Variants in AKR1C3 observed in about 807,000 individuals in gnomAD.
AKR1C3 encodes aldo-keto reductase family 1 member C3, also known as 3-alpha hydroxysteroid dehydrogenase, type II.
AKR1C3 carries 48 observed loss-of-function variants against 43.6 expected under a neutral mutation model. The observed-to-expected ratio is 1.10, with a 90% CI of 0.87 to 1.40. AKR1C3 has a LOEUF of 1.40. AKR1C3 is among the 40% of genes most tolerant of loss of function. AKR1C3 has a pLI of 0.00. For synonymous variants in AKR1C3, 162 were observed against 139.6 expected (o/e 1.16, Z -1.13); for missense variants, 482 against 391.2 (o/e 1.23, Z -1.96).
chr10:5,054,270 T>C (rs1337109187), intron 1 of AKR1C3, among the ~76,000 whole-genome samples: 1 of 152,218 alleles, frequency 6.6e-6, no homozygotes, highest in African/African-American at 2.4e-5. Context: ...GCAAACTGTC[T>C]GAGAAATCCT....
At position 5,107,589 on chromosome 10, in the gene AKR1C3, A is replaced by G. The variant is rs1839541019; in HGVS notation, c.*86A>G. The G allele has an allele frequency of 1.9e-6, 2 of 1,076,314 alleles. No individual in the cohort carries two copies. The highest frequency in any genetic ancestry group is 1.6e-5 in the African/African-American group (1 of 63,026). The allele number at this position is 1,076,314 out of a possible 1,614,324, so 66.7% of individuals were successfully genotyped here. A position where few individuals can be genotyped will look rare whatever the true frequency, so the allele number is the denominator to read the frequency against. On this transcript the variant is annotated 3_prime_UTR_variant, in exon 9 of 9. Transcript: ENST00000380554. ...CGTCTCTATGCCGGTGACTGGACAT[A>G]TCACCTCTACTTAAATCCGTCCTGT... is the stretch of plus-strand genomic sequence containing the variant.
At chr10:5,068,684 C>T (rs111678824) in intron 1 of AKR1C3, among the ~76,000 whole-genome samples, 4 of 152,124 alleles carry the variant, frequency 2.6e-5, no homozygotes, top group African/African-American at 9.7e-5. Context: ...AGGGGCATGG[C>T]CAACTCCCCA....
In AKR1C3 at chr10:5,105,685, T is replaced by C; in HGVS notation, c.929+8T>C. 1 of 1,605,176 alleles carries C rather than the reference T, an allele frequency of 6.2e-7. No homozygotes were observed. On this transcript the variant is annotated splice_region_variant and intron_variant, in intron 8 of 8. Coordinates refer to ENST00000380554, the MANE Select transcript of AKR1C3 (RefSeq NM_003739.6). Reference sequence around the variant, plus strand: ...CTATTTTAACAGTGATAGGTAAGTTTCCTTTGTAAATGGGTGATCTAATTT... The same window carrying C: ...CTATTTTAACAGTGATAGGTAAGTTCCCTTTGTAAATGGGTGATCTAATTT...
At chr10:5,089,681 A>C (rs530316134), upstream of AKR1C3, among the ~76,000 whole-genome samples, 167 of 151,158 alleles carry the variant, frequency 1.1e-3, no homozygotes, top group African/African-American at 3.9e-3. Flanking sequence ...CCTTCTCTGG[A>C]TCTTATTGAG....
In AKR1C3 at chr10:5,094,433, A is replaced by G; in HGVS notation, c.-12A>G. On this transcript the variant is annotated 5_prime_UTR_variant, in exon 1 of 9. Transcript: ENST00000380554. ...AGCAGCAAACATTTGCTAGTCAGAC[A>G]AGTGACAGGGAATGGATTCCAAACA... The G allele has an allele frequency of 6.2e-7, 1 of 1,608,992 alleles. No homozygotes were observed. The highest frequency in any genetic ancestry group is 8.5e-7 in the Non-Finnish European group (1 of 1,175,584).
At chr10:5,105,379 A>AGAG in intron 7 of AKR1C3, 1 of 376,764 alleles carries the variant, frequency 2.7e-6, no homozygotes, top group Non-Finnish European at 4.8e-6. Flanking sequence ...CTTTGTCTGC[A>AGAG]GAGTTGCACA....
chr10:5,106,998 G>A (rs1332668284), intron 8 of AKR1C3, among the ~76,000 whole-genome samples: 2 of 151,960 alleles, frequency 1.3e-5, no homozygotes, highest in Non-Finnish European at 2.9e-5. Flanking sequence ...GTAATAAGTT[G>A]GTGTTTATCT....
chr10:5,092,529 T>C (rs868956502), upstream of AKR1C3, among the ~76,000 whole-genome samples: 2 of 151,156 alleles, frequency 1.3e-5, no homozygotes, highest in Non-Finnish European at 2.9e-5. Context: ...AAATATCTTA[T>C]CCCTAAACAT....
intron 1 of AKR1C3, among the ~76,000 whole-genome samples, chr10:5,074,445 G>C (rs1838669605): frequency 6.6e-6 from 1 of 152,226 alleles, no homozygotes; most frequent in Non-Finnish European, 1.5e-5. Context: ...TGCACCTGTA[G>C]AGAAACTCTG....
chr10:5,077,790 C>T (rs4881395), intron 1 of AKR1C3: 676,164 of 807,950 alleles, frequency 0.84, 284,056 homozygotes, highest in African/African-American at 0.95. Context: ...TAACATGTTC[C>T]TTGAGGTTGA....
chr10:5,049,723 C>A (rs1459164061), intron 1 of AKR1C3, among the ~76,000 whole-genome samples: 1 of 152,248 alleles, frequency 6.6e-6, no homozygotes, highest in African/African-American at 2.4e-5. Context: ...ACTTTTCTCT[C>A]TATCAGTGTG....
chr10:5,092,678 T>C (rs1214453536), upstream of AKR1C3, among the ~76,000 whole-genome samples: 4 of 152,070 alleles, frequency 2.6e-5, no homozygotes, highest in African/African-American at 7.2e-5. Flanking sequence ...CACTCATTTT[T>C]CCGTATATGC....
intron 1 of AKR1C3, among the ~76,000 whole-genome samples, chr10:5,059,830 G>A (rs1478494843): frequency 3.3e-5 from 5 of 152,168 alleles, no homozygotes; most frequent in African/African-American, 9.7e-5. Flanking sequence ...TGGTCCCTTC[G>A]TGGTCGCCAA....
chr10:5,105,891 G>A (rs896608053), intron 8 of AKR1C3, among the ~76,000 whole-genome samples: 13 of 152,268 alleles, frequency 8.5e-5, no homozygotes, highest in Non-Finnish European at 1.8e-4. Context: ...CTGCTCTCCT[G>A]ACTCCATGGA....
chr10:5,107,238 T>C (rs897944870), intron 8 of AKR1C3, among the ~76,000 whole-genome samples: 1 of 149,186 alleles, frequency 6.7e-6, no homozygotes, highest in Non-Finnish European at 1.5e-5. Flanking sequence ...TTTGACTTTG[T>C]GTGTTTTACG....
intron 1 of AKR1C3, among the ~76,000 whole-genome samples, chr10:5,083,889 T>C (rs542978362): frequency 6.6e-6 from 1 of 152,346 alleles, no homozygotes; most frequent in African/African-American, 2.4e-5. Context: ...TTGAGAAGTG[T>C]CTGTTCATAT....
chr10:5,096,657 T>G (rs563695156), intron 2 of AKR1C3, 80 bp downstream of exon 2: 1 of 1,469,578 alleles, frequency 6.8e-7, no homozygotes, highest in East Asian at 2.4e-5. Context: ...ACTGGATGAG[T>G]AGTTGTGGGT....
upstream of AKR1C3, chr10:5,093,721 T>C (rs1233547047): frequency 2.0e-5 from 3 of 152,286 alleles, no homozygotes; most frequent in East Asian, 5.8e-4. Flanking sequence ...TATTAAATGA[T>C]GTCCAAACTC....
chr10:5,092,342 C>G (rs1312705221), upstream of AKR1C3, among the ~76,000 whole-genome samples: 1 of 151,974 alleles, frequency 6.6e-6, no homozygotes, highest in African/African-American at 2.4e-5. Flanking sequence ...AATTTGAGAA[C>G]TTTTTGATGA....
Sources: gnomAD v4.1 joint callset for allele counts (sites outside exome capture counted in the v4.1 genomes callset) on GRCh38, gnomAD v4.1.1 for gene constraint, MANE v1.5 for transcripts, NCBI Gene and HGNC (gene_info 2026-07-23, HGNC 2026-07-21) for gene names.